Variants in RRP15 observed in about 807,000 individuals in gnomAD.
RRP15 encodes ribosomal RNA processing 15 homolog.
A neutral mutation model predicts 27.1 loss-of-function variants in RRP15; 18 were observed. The observed-to-expected ratio is 0.66, with a 90% CI of 0.46 to 0.98. The LOEUF (loss-of-function observed/expected upper bound fraction) is 0.98. RRP15 is among the 50% of genes least tolerant of loss of function. The pLI is 0.00. For synonymous variants in RRP15, 107 were observed against 109.4 expected (o/e 0.98, Z 0.14); for missense variants, 359 against 337.8 (o/e 1.06, Z -0.49).
intron 4 of RRP15, among the ~76,000 whole-genome samples, chr1:218,324,523 G>C (rs1339486345): frequency 6.6e-6 from 1 of 152,230 alleles, no homozygotes; most frequent in Non-Finnish European, 1.5e-5. Flanking sequence ...ACCACCGCCT[G>C]CACCTCCCTG....
At chr1:218,300,283 T>G (rs1182009715) in intron 1 of RRP15, among the ~76,000 whole-genome samples, 2 of 152,224 alleles carry the variant, frequency 1.3e-5, no homozygotes, top group African/African-American at 4.8e-5. Flanking sequence ...GTTATTGTTC[T>G]TTGCTATGTA....
intron 1 of RRP15, among the ~76,000 whole-genome samples, chr1:218,293,127 G>A (rs1655671535): frequency 6.6e-6 from 1 of 151,596 alleles, no homozygotes; most frequent in South Asian, 2.1e-4. Context: ...CCATGCTCAA[G>A]CAATCCTCCT....
chr1:218,317,250 AC>A (rs1176717640), intron 4 of RRP15, among the ~76,000 whole-genome samples: 2 of 152,242 alleles, frequency 1.3e-5, no homozygotes, highest in African/African-American at 4.8e-5. Context: ...CTGAGAGGGC[AC>A]TTACTAGCGT....
At chr1:218,316,085 T>C (rs1656085809) in intron 4 of RRP15, among the ~76,000 whole-genome samples, 1 of 152,210 alleles carries the variant, frequency 6.6e-6, no homozygotes, top group Non-Finnish European at 1.5e-5. Flanking sequence ...TTAGTTTTCA[T>C]GTAGGGTGGT....
chr1:218,330,023 C>T (rs1656341855), intron 4 of RRP15, among the ~76,000 whole-genome samples: 1 of 151,794 alleles, frequency 6.6e-6, no homozygotes, highest in Admixed American at 6.6e-5. Flanking sequence ...GTTCTTGTAC[C>T]TTAGGTTTTT....
intron 4 of RRP15, among the ~76,000 whole-genome samples, chr1:218,319,547 C>G (rs1656153528): frequency 6.6e-6 from 1 of 152,130 alleles, no homozygotes; most frequent in Admixed American, 6.6e-5. Context: ...CATTCTGGGA[C>G]AGGATGTCCA....
rs1005565350 is a variant in RRP15 at position 218,333,914 on chromosome 1, C to A, written c.*2823C>A. Reference sequence around the variant, plus strand: ...CTACTTAGAATAATATAGTAGGTTACTTATCTTCGGTTAGAAAGAACTATG... The same window carrying A: ...CTACTTAGAATAATATAGTAGGTTAATTATCTTCGGTTAGAAAGAACTATG... On this transcript the variant is annotated 3_prime_UTR_variant, in exon 5 of 5. Coordinates refer to ENST00000366932, the MANE Select transcript of RRP15 (RefSeq NM_016052.4). 1 of 152,100 alleles carries A rather than the reference C, an allele frequency of 6.6e-6. No homozygotes were observed. Among genetic ancestry groups the A allele is most frequent in the Non-Finnish European group, 1.5e-5 (1 of 68,028 alleles). The allele number at this position is 152,100 out of a possible 1,614,324, so 9.4% of individuals were successfully genotyped here. A position where few individuals can be genotyped will look rare whatever the true frequency, so the allele number is the denominator to read the frequency against.
intron 4 of RRP15, among the ~76,000 whole-genome samples, chr1:218,325,938 G>GT (rs756509745): frequency 6.6e-6 from 1 of 151,904 alleles, no homozygotes; most frequent in African/African-American, 2.4e-5. Context: ...TTATAATGTG[G>GT]TTTTTTGTTT....
At position 218,331,026 on chromosome 1, in the gene RRP15, T is replaced by A; in HGVS notation, c.784T>A (p.Trp262Arg). The change falls in exon 5 of 5, where the codon TGG becomes AGG. Residue 262 changes from tryptophan to arginine, a missense_variant. Coordinates refer to ENST00000366932, the MANE Select transcript of RRP15 (RefSeq NM_016052.4). ...CATGATGGGAGCATCTATGAAAGACTGGGACAAGGAAAGTGATGGGCCAGA... is the reference window on the plus strand; with the variant it reads ...CATGATGGGAGCATCTATGAAAGACAGGGACAAGGAAAGTGATGGGCCAGA... ...DFMMGASMKDWDKESDGPDDS... is the reference protein window; with the variant it reads ...DFMMGASMKDRDKESDGPDDS... 6.2e-7 allele frequency: 1 copy of A among 1,613,872 alleles called. No homozygotes were observed. Among genetic ancestry groups the A allele is most frequent in the East Asian group, 2.2e-5 (1 of 44,864 alleles).
Position 218,332,231 on chromosome 1 carries a change from G to A in RRP15, c.*1140G>A, listed in dbSNP as rs572310586. 1 of 152,018 alleles carries A rather than the reference G, an allele frequency of 6.6e-6. No individual in the cohort carries two copies. Among genetic ancestry groups the A allele is most frequent in the Non-Finnish European group, 1.5e-5 (1 of 68,014 alleles). The allele number at this position is 152,018 out of a possible 1,614,324, so 9.4% of individuals were successfully genotyped here. A position where few individuals can be genotyped will look rare whatever the true frequency, so the allele number is the denominator to read the frequency against. On this transcript the variant is annotated 3_prime_UTR_variant, in exon 5 of 5. Transcript: ENST00000366932. Reference sequence around the variant, plus strand: ...TGGACTGCCCAACCAGTGAATTGATGCACTTAGACAACAAGTAATCTGCAG... The same window carrying A: ...TGGACTGCCCAACCAGTGAATTGATACACTTAGACAACAAGTAATCTGCAG...
At position 218,333,195 on chromosome 1, in the gene RRP15, T is replaced by A. The variant is rs975371785; in HGVS notation, c.*2104T>A. The A allele has an allele frequency of 1.3e-5, 2 of 151,784 alleles. No individual in the cohort carries two copies. Among genetic ancestry groups the A allele is most frequent in the African/African-American group, 4.9e-5 (2 of 41,218 alleles). 9.4% of individuals were successfully genotyped at this position (151,784 alleles called of 1,614,324 possible). Reference sequence around the variant, plus strand: ...GTTGCCACTATCAGGAAAAAAAAAATGTATCACTTCTGTTAGAAGGCTATG... The same window carrying A: ...GTTGCCACTATCAGGAAAAAAAAAAAGTATCACTTCTGTTAGAAGGCTATG... On this transcript the variant is annotated 3_prime_UTR_variant, in exon 5 of 5. Coordinates refer to ENST00000366932, the MANE Select transcript of RRP15 (RefSeq NM_016052.4).
intron 4 of RRP15, among the ~76,000 whole-genome samples, chr1:218,324,787 TTGTAATATTCCA>T (rs1279210576): frequency 6.6e-6 from 1 of 152,248 alleles, no homozygotes; most frequent in Non-Finnish European, 1.5e-5. Flanking sequence ...CAGCTGAATG[TTGTAATATTCCA>T]TATTTATATG....
At chr1:218,290,087 C>G (rs1353447614) in intron 1 of RRP15, among the ~76,000 whole-genome samples, 1 of 152,164 alleles carries the variant, frequency 6.6e-6, no homozygotes, top group Non-Finnish European at 1.5e-5. Flanking sequence ...CTTCTTTAAC[C>G]ATCAATGTTG....
In RRP15 at chr1:218,307,473, G is replaced by A. The variant is rs763014841; in HGVS notation, c.546G>A (p.Lys182=). The change falls in exon 4 of 5, where the codon AAG becomes AAA. Residue 182 remains lysine (K), a synonymous_variant. Transcript: ENST00000366932. Reference sequence around the variant, plus strand: ...TTAATGCTGTTCAGAAACATCAAAAGAATGTTGATGAAAAGGTTAAGGAAG... The same window carrying A: ...TTAATGCTGTTCAGAAACATCAAAAAAATGTTGATGAAAAGGTTAAGGAAG... ...QLFNAVQKHQ[K]NVDEKVKEAG... is the part of the protein sequence containing the mutation. The A allele has an allele frequency of 6.2e-7, 1 of 1,613,740 alleles. No homozygotes were observed. The highest frequency in any genetic ancestry group is 8.5e-7 in the Non-Finnish European group (1 of 1,179,896).
rs1431471569 is a variant in RRP15, at chr1:218,333,348, T to G, written c.*2257T>G. The stretch of plus-strand genomic sequence containing the variant: ...AAATATGAAACCAGGAATGTGCATA[T>G]TTTAGAAACTAATTGTGTATCTTAA... On this transcript the variant is annotated 3_prime_UTR_variant, in exon 5 of 5. Coordinates refer to ENST00000366932, the MANE Select transcript of RRP15 (RefSeq NM_016052.4). 1 of 152,214 alleles carries G rather than the reference T, an allele frequency of 6.6e-6. No homozygotes were observed. The highest frequency in any genetic ancestry group is 1.5e-5 in the Non-Finnish European group (1 of 68,040). The allele number at this position is 152,214 out of a possible 1,614,324, so 9.4% of individuals were successfully genotyped here.
At chr1:218,317,604 G>A (rs143456660) in intron 4 of RRP15, among the ~76,000 whole-genome samples, 9 of 151,952 alleles carry the variant, frequency 5.9e-5, no homozygotes, top group Non-Finnish European at 8.8e-5. Flanking sequence ...ATAAATTCAA[G>A]TTAGAATTGA....
At chr1:218,323,452 G>C (rs1273802617) in intron 4 of RRP15, among the ~76,000 whole-genome samples, 2 of 152,308 alleles carry the variant, frequency 1.3e-5, no homozygotes, top group East Asian at 3.9e-4. Flanking sequence ...ATGGGCCTTA[G>C]AGGAGAGGAA....
At chr1:218,287,896 A>G (rs1455619222) in intron 1 of RRP15, among the ~76,000 whole-genome samples, 4 of 152,194 alleles carry the variant, frequency 2.6e-5, no homozygotes, top group African/African-American at 9.7e-5. Flanking sequence ...AGGCTTTAGA[A>G]GGATGAATAG....
intron 4 of RRP15, among the ~76,000 whole-genome samples, chr1:218,313,448 G>C (rs577335583): frequency 2.0e-5 from 3 of 152,184 alleles, no homozygotes; most frequent in Non-Finnish European, 4.4e-5. Context: ...CAACTTGGGA[G>C]ACTCAGAAAT....
Sources: gnomAD v4.1 joint callset for allele counts (sites outside exome capture counted in the v4.1 genomes callset) on GRCh38, gnomAD v4.1.1 for gene constraint, MANE v1.5 for transcripts, NCBI Gene and HGNC (gene_info 2026-07-23, HGNC 2026-07-21) for gene names.